The following AGTPBP1 variants were observed in gnomAD, a reference collection of about 807,000 sequenced individuals.
The protein encoded by AGTPBP1 is ATP/GTP binding carboxypeptidase 1.
AGTPBP1 carries 70 observed loss-of-function variants against 143.9 expected under a neutral mutation model. That is an observed-to-expected ratio of 0.49 (90% CI 0.40 to 0.59). The LOEUF is 0.59. Ranked by LOEUF, AGTPBP1 falls within the 20% of genes least tolerant of loss-of-function variation. The pLI is 0.00. For synonymous variants in AGTPBP1, 463 were observed against 500.2 expected (o/e 0.93, Z 0.99); for missense variants, 1,229 against 1,464.5 (o/e 0.84, Z 2.62).
At chr9:85,576,487 T>C (rs1377603431) in intron 24 of AGTPBP1, among the ~76,000 whole-genome samples, 2 of 152,216 alleles carry the variant, frequency 1.3e-5, no homozygotes, top group Non-Finnish European at 2.9e-5. Flanking sequence ...TCCCAAATAT[T>C]CTAGGAAATA....
rs1823864002 is a variant in AGTPBP1, at chr9:85,737,281, C to A, written c.-34+4494G>T. Among the ~76,000 whole-genome samples, 3 of 152,130 alleles carry A rather than the reference C, an allele frequency of 2.0e-5. No individual in the cohort carries two copies. The South Asian group carries it at 6.2e-4, about 31-fold the overall frequency. On this transcript the variant is annotated intron_variant, in intron 1 of 25. Coordinates refer to ENST00000357081, the MANE Select transcript of AGTPBP1 (RefSeq NM_001330701.2). ...TTGATGGCTGTCTCAAAGTAAAGTG[C>A]TTCTGTAACTGAATTGACAGCTTGA...
intron 2 of AGTPBP1, among the ~76,000 whole-genome samples, chr9:85,702,300 T>C (rs1472753459): frequency 6.6e-6 from 1 of 152,210 alleles, no homozygotes; most frequent in African/African-American, 2.4e-5. Context: ...ACATCTAACC[T>C]TTTATCTCCA....
At chr9:85,778,023 TG>T in the AGTPBP1 span, among the ~76,000 whole-genome samples, 1 of 152,168 alleles carries the variant, frequency 6.6e-6, no homozygotes, top group Non-Finnish European at 1.5e-5. Context: ...CCCTGTCAAC[TG>T]ATCATAGGGA....
Position 85,712,520 on chromosome 9 carries a change from T to C in AGTPBP1, c.14A>G (p.Lys5Arg), listed in dbSNP as rs765081817. 5 of 1,502,788 alleles carry C rather than the reference T, an allele frequency of 3.3e-6. No homozygotes were observed. The South Asian group carries it at 6.5e-5, about 20-fold the overall frequency. The allele number at this position is 1,502,788 out of a possible 1,614,324, so 93.1% of individuals were successfully genotyped here. ...ACAGTACCTTTTTTCTGGTATCACTTTTAACTTGCTCATCTTGAGTTACTT... is the reference window on the plus strand; with the variant it reads ...ACAGTACCTTTTTTCTGGTATCACTCTTAACTTGCTCATCTTGAGTTACTT... The part of the protein sequence containing the change: MSKL[K>R]VIPEKSLTNN... Residue 5 changes from lysine (K) to arginine (R), a missense_variant, in exon 2 of 26, where the codon AAA (lysine) becomes AGA (arginine). Lys to Arg is a conservative substitution (Grantham distance 26, BLOSUM62 2). Around this residue, in one of 2 missense-constraint regions of AGTPBP1, gnomAD observed 743 missense variants for 812.2 expected, o/e 0.91. Coordinates refer to ENST00000357081, the MANE Select transcript of AGTPBP1 (RefSeq NM_001330701.2).
the AGTPBP1 span, among the ~76,000 whole-genome samples, chr9:85,789,553 A>T: frequency 6.6e-6 from 1 of 152,180 alleles, no homozygotes; most frequent in East Asian, 1.9e-4. Flanking sequence ...GAGATGGAAA[A>T]TTCTTTATGT....
rs1839201539 is a variant in AGTPBP1, at chr9:85,735,758, T to C, written c.-34+6017A>G. 3.9e-5 allele frequency among the ~76,000 whole-genome samples: 6 copies of C among 152,206 alleles called. No homozygotes were observed. The South Asian group carries it at 1.0e-3, about 26-fold the overall frequency. On this transcript the variant is annotated intron_variant, in intron 1 of 25. Transcript: ENST00000357081. ...AATTAATAAACCTAAAGAGTTCTTG[T>C]TAAAATAATATTTTTTAATTCATTA...
chr9:85,733,938 G>A (rs940836800), intron 1 of AGTPBP1, among the ~76,000 whole-genome samples: 9 of 152,172 alleles, frequency 5.9e-5, no homozygotes, highest in African/African-American at 1.9e-4. Context: ...TAACTATTGA[G>A]GAGATGTAAT....
At chr9:85,657,769 T>C (rs1184385037) in intron 9 of AGTPBP1, 126 bp from the exon 10 acceptor site, 1 of 601,166 alleles carries the variant, frequency 1.7e-6, no homozygotes. Flanking sequence ...CCAAAACAAA[T>C]GACAAGCACA....
chr9:85,566,752 CAGT>C lies in AGTPBP1; in HGVS notation c.3503+8560_3503+8562del, dbSNP rs1467992614. Among the ~76,000 whole-genome samples, 5 of 152,260 alleles carry C rather than the reference CAGT, an allele frequency of 3.3e-5. No homozygotes were observed. In the South Asian group the frequency reaches 1.0e-3, roughly 32 times the overall value. On this transcript the variant is annotated intron_variant, in intron 25 of 25. Coordinates refer to ENST00000357081, the MANE Select transcript of AGTPBP1 (RefSeq NM_001330701.2). ...TGCCGCCAGGTCCAAATGCAGGCAG[CAGT>C]AGCTCCTTCAAGGCAACAGAGAGGC...
chr9:85,547,009 G>T lies in AGTPBP1; in HGVS notation c.*100C>A. On this transcript the variant is annotated 3_prime_UTR_variant, in exon 26 of 26. Transcript: ENST00000357081. The stretch of plus-strand genomic sequence containing the variant: ...GGCCCAAGTTACTTTTTGTCTTTTT[G>T]AGTCAGCTCTGTATAAACTCATTTC... The T allele has an allele frequency of 1.6e-6, 2 of 1,228,064 alleles. No homozygotes were observed. The highest frequency in any genetic ancestry group is 2.8e-5 in the East Asian group (1 of 35,848). 76.1% of individuals were successfully genotyped at this position (1,228,064 alleles called of 1,614,324 possible).
intron 11 of AGTPBP1, among the ~76,000 whole-genome samples, chr9:85,652,419 G>A (rs971680369): frequency 6.6e-6 from 1 of 152,164 alleles, no homozygotes; most frequent in Non-Finnish European, 1.5e-5. Flanking sequence ...GGCTGAGACA[G>A]GAGAATTGCT....
intron 3 of AGTPBP1, among the ~76,000 whole-genome samples, chr9:85,681,750 T>TTC (rs1835191616): frequency 6.9e-6 from 1 of 144,292 alleles, no homozygotes; most frequent in African/African-American, 2.6e-5. Context: ...AATATCTTTT[T>TTC]TTTTTTTTTT....
At chr9:85,727,140 A>G (rs1009416216) in intron 1 of AGTPBP1, among the ~76,000 whole-genome samples, 3 of 152,140 alleles carry the variant, frequency 2.0e-5, no homozygotes, top group African/African-American at 7.2e-5. Context: ...CAGCCTGGCC[A>G]ATATGGTGAA....
intron 25 of AGTPBP1, among the ~76,000 whole-genome samples, chr9:85,575,086 A>G (rs767156280): frequency 5.9e-5 from 9 of 152,352 alleles, no homozygotes; most frequent in Middle Eastern, 3.4e-3. Context: ...AAAGTAAACC[A>G]GTACAACCAC....
chr9:85,644,931 A>C (rs1385879922), intron 12 of AGTPBP1, among the ~76,000 whole-genome samples: 3 of 152,148 alleles, frequency 2.0e-5, no homozygotes, highest in Admixed American at 6.5e-5. Flanking sequence ...AAAGAAAAAG[A>C]AGATAATAAA....
At chr9:85,584,902 T>A (rs993526144) in intron 23 of AGTPBP1, among the ~76,000 whole-genome samples, 5 of 152,202 alleles carry the variant, frequency 3.3e-5, no homozygotes, top group Non-Finnish European at 7.3e-5. Context: ...TGTTACATAT[T>A]ATTATAATAA....
chr9:85,790,004 G>A, the AGTPBP1 span, among the ~76,000 whole-genome samples: 47 of 152,244 alleles, frequency 3.1e-4, no homozygotes, highest in African/African-American at 1.1e-3. Flanking sequence ...GAAAGTTCAG[G>A]TAGAAAGTTA....
intron 15 of AGTPBP1, among the ~76,000 whole-genome samples, 186 bp downstream of exon 15, chr9:85,621,010 CTTACCA>C (rs1002036387): frequency 4.6e-5 from 7 of 152,152 alleles, no homozygotes; most frequent in Admixed American, 3.3e-4. Flanking sequence ...GTAAACGTGA[CTTACCA>C]TTACCATTAC....
rs574206964 is a variant in AGTPBP1, at chr9:85,690,147, T to C, written c.157+2542A>G. On this transcript the variant is annotated intron_variant, in intron 3 of 25. Transcript: ENST00000357081. Reference sequence around the variant, plus strand: ...CTGTCAATCTGACTACTGAAAGATATCTTTGTTGTTGTTTTCATTAGCAGT... The same window carrying C: ...CTGTCAATCTGACTACTGAAAGATACCTTTGTTGTTGTTTTCATTAGCAGT... 3.9e-5 allele frequency among the ~76,000 whole-genome samples: 6 copies of C among 152,056 alleles called. 1 individual carries two copies. In the South Asian group the frequency reaches 1.2e-3, roughly 32 times the overall value.
Sources: allele counts gnomAD v4.1 joint callset (sites outside exome capture counted in the v4.1 genomes callset), GRCh38; gene constraint gnomAD v4.1.1; regional missense constraint gnomAD v4.1.1; transcripts MANE v1.5; gene names NCBI Gene and HGNC (gene_info 2026-07-23, HGNC 2026-07-21).